The following SRP68 variants were observed in gnomAD, a reference collection of about 807,000 sequenced individuals.
The protein encoded by SRP68 is signal recognition particle subunit SRP68.
Under a neutral mutation model 82.2 loss-of-function variants are expected in SRP68, and 15 were observed. That is an observed-to-expected ratio of 0.18 (90% CI 0.12 to 0.28). SRP68 has a LOEUF of 0.28. Ranked by LOEUF, SRP68 falls within the 10% of genes least tolerant of loss-of-function variation. The pLI is 1.00. For synonymous variants in SRP68, 261 were observed against 292.6 expected, an observed-to-expected ratio of 0.89 and a Z score of 1.10; for missense variants, 595 against 780.5, an observed-to-expected ratio of 0.76 and a Z score of 2.83.
chr17:76,053,556 C>G (rs768084277), intron 8 of SRP68: 7 of 985,314 alleles, frequency 7.1e-6, no homozygotes, highest in Non-Finnish European at 7.2e-6. Context: ...GCCTCTGCAT[C>G]AAGGTGCTGA....
In SRP68 at chr17:76,042,351, C is replaced by A. The variant is rs558697557; in HGVS notation, c.1525-1373G>T. ...GGGAGTAGTGGCTCACGCCTGTAAT[C>A]CTAGCACTTTGGGAGGCTGAGGTCA... On this transcript the variant is annotated intron_variant, in intron 13 of 15. Transcript: ENST00000307877. 4.0e-4 allele frequency among the ~76,000 whole-genome samples: 61 copies of A among 151,850 alleles called. 1 individual carries two copies. The South Asian group carries it at 4.8e-3, about 12-fold the overall frequency.
Position 76,072,444 on chromosome 17 carries a change from ACTGCCGCCGCCG to A in SRP68, c.36_47del (p.Ser16_Gly19del), listed in dbSNP as rs751740834. Reference sequence around the variant, plus strand: ...CGCCGCCACTGCCACCGCCGCCGCCACTGCCGCCGCCGCCGCCGCCGCCTGGGACCTGCTTCT... The same window carrying A: ...CGCCGCCACTGCCACCGCCGCCGCCACCGCCGCCGCCTGGGACCTGCTTCT... On this transcript the variant is annotated inframe_deletion, in exon 1 of 16. Coordinates refer to ENST00000307877, the MANE Select transcript of SRP68 (RefSeq NM_014230.4). The surrounding 1 kb of genome is among the most constrained non-coding windows in gnomAD (Gnocchi z 4.5). The A allele has an allele frequency of 4.4e-6, 7 of 1,580,026 alleles. No individual in the cohort carries two copies. The highest frequency in any genetic ancestry group is 3.5e-4 in the Middle Eastern group (2 of 5,764).
At chr17:76,047,830 CATAA>C (rs1418134647) in intron 10 of SRP68, 72 bp downstream of exon 10, 2 of 706,404 alleles carry the variant, frequency 2.8e-6, no homozygotes, top group East Asian at 3.9e-5. Context: ...TGTAAATATA[CATAA>C]ATATTACATA....
chr17:76,039,493 C>G lies in SRP68; in HGVS notation c.*213G>C. On this transcript the variant is annotated 3_prime_UTR_variant, in exon 16 of 16. Transcript: ENST00000307877. ...AGGAGGTACAGGAGACAGGATGACC[C>G]TGCACACATTTACCAGAAGACAACA... The G allele has an allele frequency of 1.5e-6, 1 of 652,370 alleles. No individual in the cohort carries two copies. The highest frequency in any genetic ancestry group is 2.8e-6 in the Non-Finnish European group (1 of 360,990). The allele number at this position is 652,370 out of a possible 1,614,324, so 40.4% of individuals were successfully genotyped here.
intron 10 of SRP68, among the ~76,000 whole-genome samples, chr17:76,047,255 C>G (rs1264543691): frequency 6.6e-6 from 1 of 152,108 alleles, no homozygotes; most frequent in Admixed American, 6.5e-5. Context: ...GTATCTGAGA[C>G]CACAGGTGTG....
At chr17:76,045,252 T>C in intron 12 of SRP68, 40 bp downstream of exon 12, 3 of 1,519,022 alleles carry the variant, frequency 2.0e-6, no homozygotes, top group Non-Finnish European at 2.7e-6. Context: ...TTATAGAACC[T>C]GGGAGGCGGA....
chr17:76,072,044 G>A lies in SRP68; in HGVS notation c.184+264C>T, dbSNP rs1198310579. The A allele has an allele frequency of 6.7e-6, 4 of 598,680 alleles. No homozygotes were observed. Among genetic ancestry groups the A allele is most frequent in the Non-Finnish European group, 8.4e-6 (3 of 357,516 alleles). The allele number at this position is 598,680 out of a possible 1,614,324, so 37.1% of individuals were successfully genotyped here. ...TCACAAGCCCTCCAACTGGACAACT[G>A]CGGGGCACCAGGGGAAACCTGCCTG... is the stretch of plus-strand genomic sequence containing the variant. On this transcript the variant is annotated intron_variant, in intron 1 of 15. Coordinates refer to ENST00000307877, the MANE Select transcript of SRP68 (RefSeq NM_014230.4). The surrounding 1 kb of genome is among the most constrained non-coding windows in gnomAD (Gnocchi z 4.5).
rs148024618 is a variant in SRP68, at chr17:76,051,018, C to G, written c.979-492G>C. On this transcript the variant is annotated intron_variant, in intron 8 of 15. Coordinates refer to ENST00000307877, the MANE Select transcript of SRP68 (RefSeq NM_014230.4). The stretch of plus-strand genomic sequence containing the variant: ...ATTACCTTTTACAAATGTGACCCAA[C>G]TCAAAGATTGTTTCTTTTAGGTACA... Among the ~76,000 whole-genome samples the G allele has an allele frequency of 4.8e-3, 738 of 152,270 alleles. 9 individuals carry two copies. The highest frequency in any genetic ancestry group is 0.017 in the African/African-American group (702 of 41,560).
Position 76,072,418 on chromosome 17 carries a change from C to T in SRP68, c.74G>A (p.Gly25Asp), listed in dbSNP as rs747625446. 6.3e-7 allele frequency: 1 copy of T among 1,585,404 alleles called. No individual in the cohort carries two copies. Among genetic ancestry groups the T allele is most frequent in the Admixed American group, 1.7e-5 (1 of 59,636 alleles). Residue 25 changes from glycine (G) to aspartate (D), a missense_variant, in exon 1 of 16, where the codon GGC (glycine) becomes GAC (aspartate). Physicochemically the swap from Gly to Asp is moderately conservative, Grantham distance 94. Transcript: ENST00000307877. This position sits in a 1 kb window ranked among gnomAD's most constrained non-coding sequence, Gnocchi z 4.5. ...GSGGGGGSGG[G>D]GSGGGRGAGG... ...GGCACCACGTCCACCGCCGCTACCG[C>T]CGCCGCCACTGCCACCGCCGCCGCC...
At chr17:76,045,159 C>G in intron 12 of SRP68, 133 bp downstream of exon 12, 3 of 686,758 alleles carry the variant, frequency 4.4e-6, no homozygotes, top group Non-Finnish European at 7.6e-6. Context: ...GCTGGGCTGA[C>G]CTTCCTCTGA....
intron 10 of SRP68, among the ~76,000 whole-genome samples, chr17:76,047,185 T>C (rs1396167830): frequency 6.6e-6 from 1 of 152,018 alleles, no homozygotes; most frequent in African/African-American, 2.4e-5. Flanking sequence ...ACCATGATCA[T>C]GGCTGACCGC....
chr17:76,058,118 A>G (rs2066725176), intron 7 of SRP68, among the ~76,000 whole-genome samples: 1 of 148,944 alleles, frequency 6.7e-6, no homozygotes, highest in African/African-American at 2.5e-5. Context: ...GACTACAGGT[A>G]TGTGTCACCA....
At chr17:76,044,744 TG>T (rs2066616957) in intron 12 of SRP68, 1 of 152,536 alleles carries the variant, frequency 6.6e-6, no homozygotes, top group Non-Finnish European at 1.5e-5. Context: ...CAAGTGTTTT[TG>T]TTTTTTTTGA....
chr17:76,046,823 C>T (rs1043487424), intron 10 of SRP68, among the ~76,000 whole-genome samples: 1 of 152,062 alleles, frequency 6.6e-6, no homozygotes, highest in Non-Finnish European at 1.5e-5. Flanking sequence ...CACCTGTAGT[C>T]CCAGCTACTT....
chr17:76,057,335 C>T lies in SRP68; in HGVS notation c.978+68G>A, dbSNP rs1251449697. ...AGAACTGAATACCAACGAGCCACTACATCTTAAACACACAGGACAACCTTC... is the reference window on the plus strand; with the variant it reads ...AGAACTGAATACCAACGAGCCACTATATCTTAAACACACAGGACAACCTTC... On this transcript the variant is annotated intron_variant, in intron 8 of 15. Coordinates refer to ENST00000307877, the MANE Select transcript of SRP68 (RefSeq NM_014230.4). The T allele has an allele frequency of 4.4e-6, 7 of 1,591,360 alleles. No individual in the cohort carries two copies. In the South Asian group the frequency reaches 6.7e-5, roughly 15 times the overall value.
At position 76,071,947 on chromosome 17, in the gene SRP68, C is replaced by A; in HGVS notation, c.184+361G>T. On this transcript the variant is annotated intron_variant, in intron 1 of 15. Coordinates refer to ENST00000307877, the MANE Select transcript of SRP68 (RefSeq NM_014230.4). The surrounding 1 kb of genome is among the most constrained non-coding windows in gnomAD (Gnocchi z 4.7). The stretch of plus-strand genomic sequence containing the variant: ...CAGACAAGAGTATTAAGCCAAATGT[C>A]AAGACTGCAGTTTCCTCTCCCCAGT... 1 of 356,180 alleles carries A rather than the reference C, an allele frequency of 2.8e-6. No homozygotes were observed. Among genetic ancestry groups the A allele is most frequent in the Non-Finnish European group, 5.1e-6 (1 of 195,334 alleles). 22.1% of individuals were successfully genotyped at this position (356,180 alleles called of 1,614,324 possible).
Position 76,057,526 on chromosome 17 carries a change from A to C in SRP68, c.855T>G (p.Thr285=). The change falls in exon 8 of 16, where the codon ACT becomes ACG. Residue 285 remains threonine (T), a synonymous_variant. Coordinates refer to ENST00000307877, the MANE Select transcript of SRP68 (RefSeq NM_014230.4). The part of the protein sequence containing the change: ...AEKLEALITQ[T]RAKQAATMSE... ...TCATGGTAGCTGCCTGTTTGGCTCG[A>C]GTCTGAGTGATCAAAGCCTGAAAAA... The C allele has an allele frequency of 6.2e-7, 1 of 1,614,156 alleles. No individual in the cohort carries two copies. Among genetic ancestry groups the C allele is most frequent in the Non-Finnish European group, 8.5e-7 (1 of 1,180,036 alleles).
chr17:76,040,315 G>A (rs2144474559), intron 15 of SRP68, 104 bp downstream of exon 15: 5 of 1,112,990 alleles, frequency 4.5e-6, no homozygotes, highest in Non-Finnish European at 4.1e-6. Flanking sequence ...GGAGGTGGGG[G>A]GTTTCCTTAG....
At chr17:76,070,490 C>T (rs779197156) in intron 1 of SRP68, 46 bp from the exon 2 acceptor site, 2 of 1,497,388 alleles carry the variant, frequency 1.3e-6, no homozygotes, top group Non-Finnish European at 1.9e-6. Context: ...AGAATCCAAA[C>T]AAATCAAAAC....
Sources: gnomAD v4.1 joint callset for allele counts (sites outside exome capture counted in the v4.1 genomes callset) on GRCh38, gnomAD v4.1.1 for gene constraint, Gnocchi (gnomAD v3.1) non-coding constraint, MANE v1.5 for transcripts, NCBI Gene and HGNC (gene_info 2026-07-23, HGNC 2026-07-21) for gene names.